The following PLCG2 variants were observed in gnomAD, a reference collection of about 807,000 sequenced individuals.
PLCG2 encodes 1-phosphatidylinositol 4,5-bisphosphate phosphodiesterase gamma-2.
PLCG2 carries 69 observed loss-of-function variants against 175.6 expected under a neutral mutation model. The observed-to-expected ratio is 0.39, with a 90% CI of 0.32 to 0.48. The LOEUF is 0.48. PLCG2 is among the 20% of genes least tolerant of loss of function. The pLI, the probability that PLCG2 is intolerant of heterozygous loss-of-function variation, is 0.91. For missense variants in PLCG2, 1,798 were observed against 1,650.9 expected (o/e 1.09, Z -1.54); for synonymous variants, 827 against 624.0 (o/e 1.33, Z -4.85).
intron 27 of PLCG2, 44 bp from the exon 28 acceptor site, chr16:81,937,714 G>A (rs769477080): frequency 2.4e-5 from 38 of 1,587,130 alleles, no homozygotes; most frequent in South Asian, 9.0e-5. Flanking sequence ...GGGGGCCAGC[G>A]TGCTCATGCC....
chr16:81,900,888 G>A, intron 14 of PLCG2, 108 bp downstream of exon 14: 1 of 963,446 alleles, frequency 1.0e-6, no homozygotes, highest in South Asian at 1.6e-5. Context: ...CCTGCTCCAG[G>A]TCCCACTGCA....
upstream of PLCG2, among the ~76,000 whole-genome samples, chr16:81,775,732 G>A (rs1046454937): frequency 2.6e-5 from 4 of 152,128 alleles, no homozygotes; most frequent in African/African-American, 9.7e-5. Context: ...AGCTTAAAAT[G>A]TAATTTTCTT....
Position 81,891,398 on chromosome 16 carries a change from C to A in PLCG2, c.868-74C>A, listed in dbSNP as rs76593045. 4 of 869,086 alleles carry A rather than the reference C, an allele frequency of 4.6e-6. No individual in the cohort carries two copies. The East Asian group carries it at 7.2e-5, about 16-fold the overall frequency. 53.8% of individuals were successfully genotyped at this position (869,086 alleles called of 1,614,324 possible). On this transcript the variant is annotated intron_variant, in intron 10 of 32. Coordinates refer to ENST00000564138, the MANE Select transcript of PLCG2 (RefSeq NM_002661.5). ...AGAGCTGTTCTTCCCCCCTGGTGGG[C>A]GCAGACCAGAAACAAGCAGACACCA...
intron 11 of PLCG2, 78 bp downstream of exon 11, chr16:81,891,668 TC>T (rs1908644179): frequency 1.2e-6 from 1 of 811,970 alleles, no homozygotes; most frequent in African/African-American, 1.7e-5. Context: ...GATACGCCGC[TC>T]CGGTGAGCCC....
At chr16:81,807,173 A>G (rs562671657) in intron 2 of PLCG2, among the ~76,000 whole-genome samples, 1 of 151,916 alleles carries the variant, frequency 6.6e-6, no homozygotes, top group African/African-American at 2.4e-5. Flanking sequence ...GTGGTGATTC[A>G]TGTGGTGATT....
At chr16:81,899,724 T>G (rs1214777435) in intron 13 of PLCG2, among the ~76,000 whole-genome samples, 2 of 152,188 alleles carry the variant, frequency 1.3e-5, no homozygotes, top group African/African-American at 2.4e-5. Flanking sequence ...GAGAAGGCTG[T>G]GATGTGCCCG....
At chr16:81,867,864 A>T (rs1907321037) in intron 5 of PLCG2, among the ~76,000 whole-genome samples, 1 of 151,586 alleles carries the variant, frequency 6.6e-6, no homozygotes, top group African/African-American at 2.4e-5. Flanking sequence ...TGCCTGGCTA[A>T]TTTTTTTTGT....
intron 15 of PLCG2, among the ~76,000 whole-genome samples, chr16:81,907,173 A>G (rs537802267): frequency 1.4e-4 from 21 of 152,276 alleles, no homozygotes; most frequent in African/African-American, 5.1e-4. Context: ...TTATTAAAAA[A>G]AAGAGTTTCT....
At chr16:81,858,829 C>G (rs564512511) in intron 4 of PLCG2, among the ~76,000 whole-genome samples, 104 of 142,902 alleles carry the variant, frequency 7.3e-4, no homozygotes, top group African/African-American at 2.5e-3. Flanking sequence ...TCAAAGTCCT[C>G]TACTTTTTAC....
At position 81,921,185 on chromosome 16, in the gene PLCG2, T is replaced by C; in HGVS notation, c.2236-13T>C. 1 of 1,477,838 alleles carries C rather than the reference T, an allele frequency of 6.8e-7. No individual in the cohort carries two copies. The highest frequency in any genetic ancestry group is 9.4e-7 in the Non-Finnish European group (1 of 1,060,042). The allele number at this position is 1,477,838 out of a possible 1,614,324, so 91.5% of individuals were successfully genotyped here. On this transcript the variant is annotated splice_polypyrimidine_tract_variant and intron_variant, in intron 20 of 32. Coordinates refer to ENST00000564138, the MANE Select transcript of PLCG2 (RefSeq NM_002661.5). ...ATGGATTATTCCATTTCTTTCTTTC[T>C]TTTTTTTTCCAGGAAAGAGATATAA...
chr16:81,962,157 G>C lies in PLCG2; in HGVS notation c.*4159G>C, dbSNP rs181774773. 39 of 185,958 alleles carry C rather than the reference G, an allele frequency of 2.1e-4. No homozygotes were observed. The highest frequency in any genetic ancestry group is 8.2e-4 in the African/African-American group (35 of 42,770). The allele number at this position is 185,958 out of a possible 1,614,324, so 11.5% of individuals were successfully genotyped here. On this transcript the variant is annotated 3_prime_UTR_variant, in exon 33 of 33. Coordinates refer to ENST00000564138, the MANE Select transcript of PLCG2 (RefSeq NM_002661.5). ...CTCCCCTGCTGGAACCTCCAAACAA[G>C]CTCTCAAGATTGCTGATCTAGGGCC...
chr16:81,803,634 TCCCTCCCTCCCTCCC>T (rs1567472351), intron 2 of PLCG2, among the ~76,000 whole-genome samples: 1 of 2,142 alleles, frequency 4.7e-4, no homozygotes, highest in Non-Finnish European at 1.7e-3. Context: ...CTTTTCTTCT[TCCCTCCCTCCCTCCC>T]TCCCTCCCTC....
At chr16:81,816,168 C>T (rs973189306) in intron 2 of PLCG2, among the ~76,000 whole-genome samples, 6 of 151,916 alleles carry the variant, frequency 3.9e-5, no homozygotes, top group South Asian at 2.1e-4. Flanking sequence ...GTCAGGAGTT[C>T]GAGACCAGCC....
At chr16:81,831,781 G>T (rs931452995) in intron 2 of PLCG2, among the ~76,000 whole-genome samples, 4 of 152,310 alleles carry the variant, frequency 2.6e-5, no homozygotes, top group Admixed American at 2.0e-4. Context: ...TGTCTGAAAG[G>T]GAAGGAAGGC....
intron 7 of PLCG2, among the ~76,000 whole-genome samples, chr16:81,877,522 C>G (rs919343906): frequency 6.6e-5 from 10 of 152,218 alleles, no homozygotes; most frequent in African/African-American, 2.4e-4. Context: ...AGTCCAAAAT[C>G]CAGGTGTTGG....
intron 2 of PLCG2, among the ~76,000 whole-genome samples, chr16:81,853,521 C>T (rs938461568): frequency 6.6e-6 from 1 of 152,160 alleles, no homozygotes; most frequent in Non-Finnish European, 1.5e-5. Flanking sequence ...TTCAGATCAT[C>T]AGGCATTAGA....
chr16:81,941,485 A>ATCTT (rs1910937376), intron 30 of PLCG2, among the ~76,000 whole-genome samples: 1 of 152,150 alleles, frequency 6.6e-6, no homozygotes, highest in African/African-American at 2.4e-5. Flanking sequence ...AAGGCTGCCT[A>ATCTT]TCTTACCATT....
At chr16:81,743,350 C>G (rs1597300196) in intron 1 of PLCG2, among the ~76,000 whole-genome samples, 1 of 152,246 alleles carries the variant, frequency 6.6e-6, no homozygotes, top group East Asian at 1.9e-4. Flanking sequence ...GACCCTATCT[C>G]AAAAACAAAA....
chr16:81,775,947 A>G (rs545276215), upstream of PLCG2, among the ~76,000 whole-genome samples: 1 of 151,766 alleles, frequency 6.6e-6, no homozygotes, highest in East Asian at 1.9e-4. Flanking sequence ...GGGCTCTGAC[A>G]CCAGACAGGC....
Sources: allele counts gnomAD v4.1 joint callset (sites outside exome capture counted in the v4.1 genomes callset), GRCh38; gene constraint gnomAD v4.1.1; transcripts MANE v1.5; gene names NCBI Gene and HGNC (gene_info 2026-07-23, HGNC 2026-07-21).